The following FRAS1 variants were observed in gnomAD, a reference collection of about 807,000 sequenced individuals.
FRAS1 encodes extracellular matrix organizing protein FRAS1.
A neutral mutation model predicts 435.2 loss-of-function variants in FRAS1; 290 were observed. That is an observed-to-expected ratio of 0.67 (90% CI 0.61 to 0.73). The LOEUF is 0.73. FRAS1 is among the 30% of genes least tolerant of loss of function. The probability of loss-of-function intolerance (pLI) is 0.00; values close to 1 mark genes in which losing one functional copy is unlikely to be tolerated. For synonymous variants in FRAS1, 1,800 were observed against 1,851.0 expected (o/e 0.97, Z 0.71); for missense variants, 4,860 against 5,001.5 (o/e 0.97, Z 0.85).
intron 15 of FRAS1, among the ~76,000 whole-genome samples, chr4:78,315,263 A>T (rs1371314112): frequency 6.6e-6 from 1 of 152,220 alleles, no homozygotes; most frequent in South Asian, 2.1e-4. Context: ...TTTATGGAGC[A>T]TCTGATATTT....
intron 2 of FRAS1, among the ~76,000 whole-genome samples, chr4:78,104,991 A>T (rs965393399): frequency 4.6e-5 from 7 of 151,914 alleles, no homozygotes; most frequent in African/African-American, 1.4e-4. Context: ...TTTTTTTCTG[A>T]TTTAGATTGA....
At chr4:78,521,071 G>A (rs1299094132) in intron 67 of FRAS1, among the ~76,000 whole-genome samples, 1 of 152,120 alleles carries the variant, frequency 6.6e-6, no homozygotes, top group Non-Finnish European at 1.5e-5. Flanking sequence ...CTACAAGCTG[G>A]CTTTAATTCT....
intron 70 of FRAS1, among the ~76,000 whole-genome samples, chr4:78,531,154 G>A (rs1721699245): frequency 6.6e-6 from 1 of 152,144 alleles, no homozygotes; most frequent in South Asian, 2.1e-4. Flanking sequence ...TGTTACTGTT[G>A]TATAGGAATG....
At chr4:78,267,213 G>C in intron 8 of FRAS1, 28 bp from the exon 9 acceptor site, 1 of 1,606,532 alleles carries the variant, frequency 6.2e-7, no homozygotes, top group Non-Finnish European at 8.5e-7. Context: ...CCTGAGGACT[G>C]CCCCTCACCT....
chr4:78,167,398 C>G (rs1721374566), intron 2 of FRAS1, among the ~76,000 whole-genome samples: 2 of 151,452 alleles, frequency 1.3e-5, no homozygotes, highest in Admixed American at 1.3e-4. Context: ...CATAGAGACC[C>G]CAATATTCAG....
intron 37 of FRAS1, among the ~76,000 whole-genome samples, chr4:78,432,019 T>G (rs1487025333): frequency 6.6e-6 from 1 of 152,214 alleles, no homozygotes; most frequent in Admixed American, 6.5e-5. Context: ...AGGCTTGTTC[T>G]TTATTTTTCT....
intron 15 of FRAS1, among the ~76,000 whole-genome samples, chr4:78,311,456 A>G (rs12505633): frequency 0.28 from 42,211 of 151,892 alleles, 6,760 homozygotes; most frequent in Admixed American, 0.35. Context: ...CCCCCGTCAT[A>G]TTACCCATCC....
At chr4:78,431,237 A>G (rs1734208002) in intron 37 of FRAS1, among the ~76,000 whole-genome samples, 2 of 152,220 alleles carry the variant, frequency 1.3e-5, no homozygotes, top group Non-Finnish European at 2.9e-5. Context: ...TTTGGGAGTC[A>G]CAAAGGTAGA....
chr4:78,114,226 C>T, intron 2 of FRAS1, among the ~76,000 whole-genome samples: 1 of 152,134 alleles, frequency 6.6e-6, no homozygotes. Context: ...GTTTTGGTTA[C>T]TGTAGCCTTG....
chr4:78,366,286 GGAGAA>G (rs1731264602), intron 22 of FRAS1, among the ~76,000 whole-genome samples: 1 of 152,212 alleles, frequency 6.6e-6, no homozygotes, highest in Non-Finnish European at 1.5e-5. Context: ...TGGTATTGGA[GGAGAA>G]TTCCAGAGTT....
Position 78,364,018 on chromosome 4 carries a change from C to A in FRAS1, c.2686C>A (p.Pro896Thr), listed in dbSNP as rs1731176423. The stretch of plus-strand genomic sequence containing the variant: ...TGGCACCTGCAGCACCACCTGCTTC[C>A]CTGGGCACTATCTTGATGACAATCA... ...HTGTCSTTCF[P>T]GHYLDDNHVC... The change falls in exon 22 of 74, where the codon CCT (proline) becomes ACT (threonine). Residue 896 changes from proline to threonine, a missense_variant. Coordinates refer to ENST00000512123, the MANE Select transcript of FRAS1 (RefSeq NM_025074.7). 2.5e-6 allele frequency: 4 copies of A among 1,602,358 alleles called. No homozygotes were observed. In the Admixed American group the frequency reaches 5.2e-5, roughly 21 times the overall value.
chr4:78,069,868 A>C (rs4334779), intron 2 of FRAS1, among the ~76,000 whole-genome samples: 33,836 of 151,796 alleles, frequency 0.22, 4,019 homozygotes, highest in African/African-American at 0.29. Flanking sequence ...TTACATAGTA[A>C]GTCCTAGTGG....
At chr4:78,471,471 A>G (rs1719706481) in intron 51 of FRAS1, among the ~76,000 whole-genome samples, 1 of 151,940 alleles carries the variant, frequency 6.6e-6, no homozygotes, top group African/African-American at 2.4e-5. Context: ...TTCTCTTCTC[A>G]ATACTCTCCA....
At chr4:78,088,865 G>C (rs140942158) in intron 2 of FRAS1, among the ~76,000 whole-genome samples, 3,534 of 152,302 alleles carry the variant, frequency 0.023, 96 homozygotes, top group South Asian at 0.092. Context: ...GTGGAAGTCA[G>C]TGTGGTGATT....
At chr4:78,070,158 A>G (rs1270310350) in intron 2 of FRAS1, among the ~76,000 whole-genome samples, 1 of 152,170 alleles carries the variant, frequency 6.6e-6, no homozygotes, top group Non-Finnish European at 1.5e-5. Context: ...TATGTGATGC[A>G]AAACATGTTT....
chr4:78,104,040 A>G (rs1400415254), intron 2 of FRAS1, among the ~76,000 whole-genome samples: 2 of 152,218 alleles, frequency 1.3e-5, no homozygotes, highest in Non-Finnish European at 2.9e-5. Context: ...CTGCATGCTT[A>G]CAGCTCACTT....
chr4:78,454,682 G>C (rs1560737576), intron 47 of FRAS1, among the ~76,000 whole-genome samples: 1 of 152,208 alleles, frequency 6.6e-6, no homozygotes. Flanking sequence ...TCCACACCGT[G>C]CAGAGCCTTC....
intron 2 of FRAS1, among the ~76,000 whole-genome samples, chr4:78,179,341 T>C (rs538703865): frequency 4.2e-4 from 64 of 152,308 alleles, no homozygotes; most frequent in African/African-American, 1.4e-3. Context: ...AAAGCACCTG[T>C]GGTGGCCTCT....
intron 2 of FRAS1, among the ~76,000 whole-genome samples, chr4:78,120,052 T>A (rs1314892684): frequency 1.3e-5 from 2 of 152,194 alleles, no homozygotes; most frequent in Non-Finnish European, 1.5e-5. Context: ...TAATCAGATC[T>A]ATGGGGAGAA....
Sources: allele counts gnomAD v4.1 joint callset (sites outside exome capture counted in the v4.1 genomes callset), GRCh38; gene constraint gnomAD v4.1.1; transcripts MANE v1.5; gene names NCBI Gene and HGNC (gene_info 2026-07-23, HGNC 2026-07-21).